MYO5A: variants seen among roughly 807,000 people sequenced by gnomAD.
MYO5A encodes unconventional myosin-Va.
In MYO5A, 98 loss-of-function variants were observed where a neutral mutation model predicts 249.7. That is an observed-to-expected ratio of 0.39 (90% CI 0.33 to 0.46). MYO5A has a LOEUF of 0.46. Among genes scored for constraint, MYO5A ranks in the 20% least tolerant of loss-of-function variants. The pLI, the probability that MYO5A is intolerant of heterozygous loss-of-function variation, is 0.98. For missense variants in MYO5A, 1,696 were observed against 2,308.8 expected, an observed-to-expected ratio of 0.73 and a Z score of 5.44; for synonymous variants, 778 against 810.6, an observed-to-expected ratio of 0.96 and a Z score of 0.68.
intron 1 of MYO5A, among the ~76,000 whole-genome samples, chr15:52,445,467 C>G (rs534102677): frequency 1.3e-5 from 2 of 152,196 alleles, no homozygotes; most frequent in African/African-American, 4.8e-5. Context: ...CAAGAATGAA[C>G]TAACACAAAA....
chr15:52,375,899 C>T (rs569403229), intron 19 of MYO5A, among the ~76,000 whole-genome samples: 1 of 152,274 alleles, frequency 6.6e-6, no homozygotes, highest in Admixed American at 6.5e-5. Flanking sequence ...TTTTGTTAGG[C>T]TATAAGCTCA....
chr15:52,517,934 C>A (rs2077528212), intron 1 of MYO5A, among the ~76,000 whole-genome samples: 1 of 151,662 alleles, frequency 6.6e-6, no homozygotes, highest in South Asian at 2.1e-4. Flanking sequence ...TTCAAATAAT[C>A]CAGATTAGCT....
At chr15:52,339,552 A>AT (rs989250378) in intron 32 of MYO5A, among the ~76,000 whole-genome samples, 4 of 152,000 alleles carry the variant, frequency 2.6e-5, no homozygotes, top group African/African-American at 7.2e-5. Context: ...GGCAAAAAAA[A>AT]GAAAAGAAAA....
intron 1 of MYO5A, among the ~76,000 whole-genome samples, chr15:52,434,371 C>T (rs1416229718): frequency 6.6e-6 from 1 of 152,084 alleles, no homozygotes; most frequent in Non-Finnish European, 1.5e-5. Flanking sequence ...AGACATCCTT[C>T]AGGAGCCATC....
intron 30 of MYO5A, 61 bp from the exon 31 acceptor site, chr15:52,343,258 A>G (rs1198086812): frequency 5.3e-6 from 7 of 1,321,558 alleles, no homozygotes; most frequent in Non-Finnish European, 7.7e-6. Flanking sequence ...TGATGAGGTG[A>G]CGATGGTCAA....
In MYO5A at chr15:52,308,252, AT is replaced by A. The variant is rs1186192485; in HGVS notation, c.*5443del. On this transcript the variant is annotated 3_prime_UTR_variant, in exon 42 of 42. Coordinates refer to ENST00000399233, the MANE Select transcript of MYO5A (RefSeq NM_001382347.1). ...TACAAATAAAAAAAGTATAAAAAGC[AT>A]TTTGGAAGATATTTTACATAGTATT... 1 of 152,226 alleles carries A rather than the reference AT, an allele frequency of 6.6e-6. No homozygotes were observed. The highest frequency in any genetic ancestry group is 1.5e-5 in the Non-Finnish European group (1 of 68,018). The allele number at this position is 152,226 out of a possible 1,614,324, so 9.4% of individuals were successfully genotyped here.
chr15:52,322,895 T>C (rs969997371), intron 37 of MYO5A, among the ~76,000 whole-genome samples: 2 of 152,030 alleles, frequency 1.3e-5, no homozygotes, highest in South Asian at 2.1e-4. Flanking sequence ...GTTAGTTACA[T>C]ATGCATACAT....
chr15:52,334,459 G>T (rs757122622), intron 34 of MYO5A, among the ~76,000 whole-genome samples: 4 of 152,192 alleles, frequency 2.6e-5, no homozygotes, highest in Non-Finnish European at 4.4e-5. Flanking sequence ...TCATGTGTGT[G>T]TGAGTGTGTG....
chr15:52,340,572 G>A (rs547553570), intron 31 of MYO5A, among the ~76,000 whole-genome samples, 178 bp from the exon 32 acceptor site: 4 of 152,266 alleles, frequency 2.6e-5, no homozygotes, highest in African/African-American at 4.8e-5. Flanking sequence ...ATAGAAACGG[G>A]TGCTCTCACA....
At chr15:52,505,668 C>G in intron 1 of MYO5A, 5 of 1,223,928 alleles carry the variant, frequency 4.1e-6, no homozygotes, top group Non-Finnish European at 6.0e-6. Context: ...AATTAGAGGG[C>G]GTCAGAAGCA....
chr15:52,331,446 G>A (rs1434176572), intron 34 of MYO5A, among the ~76,000 whole-genome samples: 1 of 152,186 alleles, frequency 6.6e-6, no homozygotes, highest in African/African-American at 2.4e-5. Context: ...ATACACGCTA[G>A]TAACCAGGTT....
At chr15:52,473,477 T>C (rs1449847494) in intron 1 of MYO5A, among the ~76,000 whole-genome samples, 1 of 152,230 alleles carries the variant, frequency 6.6e-6, no homozygotes, top group Non-Finnish European at 1.5e-5. Context: ...CCCATGCCTA[T>C]GTCCTGAATG....
chr15:52,423,487 G>A (rs1179062147), intron 4 of MYO5A, among the ~76,000 whole-genome samples: 2 of 151,912 alleles, frequency 1.3e-5, no homozygotes, highest in Admixed American at 6.6e-5. Flanking sequence ...GGGAGGCGGA[G>A]GTTGCAGTGA....
chr15:52,356,028 G>A (rs1236268875), intron 25 of MYO5A, among the ~76,000 whole-genome samples: 1 of 152,096 alleles, frequency 6.6e-6, no homozygotes, highest in Non-Finnish European at 1.5e-5. Context: ...TGGAAGTTGT[G>A]GATGCCATAA....
chr15:52,359,289 A>G lies in MYO5A; in HGVS notation c.3423+679T>C, dbSNP rs548996951. Among the ~76,000 whole-genome samples the G allele has an allele frequency of 2.0e-5, 3 of 152,350 alleles. No individual in the cohort carries two copies. In the East Asian group the frequency reaches 5.8e-4, roughly 29 times the overall value. On this transcript the variant is annotated intron_variant, in intron 25 of 41. Transcript: ENST00000399233. Reference sequence around the variant, plus strand: ...ATAAAAATAGGACAGTTGTGCCTGAATTACCCATTATTGAAACTATATCAT... The same window carrying G: ...ATAAAAATAGGACAGTTGTGCCTGAGTTACCCATTATTGAAACTATATCAT...
intron 11 of MYO5A, 147 bp downstream of exon 11, chr15:52,396,169 G>A (rs1595592241): frequency 4.8e-6 from 3 of 628,464 alleles, no homozygotes; most frequent in East Asian, 2.9e-5. Flanking sequence ...TTTTTCTAAT[G>A]TTGTACCATT....
At chr15:52,474,552 A>T (rs2076548775) in intron 1 of MYO5A, among the ~76,000 whole-genome samples, 2 of 152,156 alleles carry the variant, frequency 1.3e-5, no homozygotes, top group Non-Finnish European at 2.9e-5. Context: ...TATTATTTTG[A>T]GATACATCCC....
chr15:52,352,744 C>T (rs1188610214), intron 27 of MYO5A, among the ~76,000 whole-genome samples: 1 of 152,012 alleles, frequency 6.6e-6, no homozygotes, highest in Non-Finnish European at 1.5e-5. Flanking sequence ...GATCACACCA[C>T]TGCACTCCAA....
At chr15:52,364,427 T>A (rs2040706204) in intron 24 of MYO5A, 127 bp downstream of exon 24, 1 of 810,244 alleles carries the variant, frequency 1.2e-6, no homozygotes, top group Non-Finnish European at 1.9e-6. Flanking sequence ...GAGGTGAATA[T>A]GTGTTGAACA....
Sources: gnomAD v4.1 joint callset for allele counts (sites outside exome capture counted in the v4.1 genomes callset) on GRCh38, gnomAD v4.1.1 for gene constraint, MANE v1.5 for transcripts, NCBI Gene and HGNC (gene_info 2026-07-23, HGNC 2026-07-21) for gene names.